ABI2: variants seen among roughly 807,000 people sequenced by gnomAD.
The protein encoded by ABI2 is abl interactor 2.
A neutral mutation model predicts 59.2 loss-of-function variants in ABI2; 25 were observed. That is an observed-to-expected ratio of 0.42 (90% CI 0.31 to 0.59). The LOEUF (loss-of-function observed/expected upper bound fraction) is 0.59, where lower values mean the gene tolerates loss of function less well. ABI2 is among the 20% of genes least tolerant of loss of function. The pLI, the probability that ABI2 is intolerant of heterozygous loss-of-function variation, is 0.14. For missense variants in ABI2, 545 were observed against 681.8 expected (o/e 0.80, Z 2.23); for synonymous variants, 213 against 235.5 (o/e 0.90, Z 0.87).
chr2:203,419,310 C>T lies in ABI2; in HGVS notation c.1453+2229C>T, dbSNP rs570053806. On this transcript the variant is annotated intron_variant, in intron 11 of 11. Transcript: ENST00000261018. ...TATTTTTAGTAGAGACGTGGTTTCACGGTGGTCTTGATCTCCTGACCTCAT... is the reference window on the plus strand; with the variant it reads ...TATTTTTAGTAGAGACGTGGTTTCATGGTGGTCTTGATCTCCTGACCTCAT... 2.6e-5 allele frequency among the ~76,000 whole-genome samples: 4 copies of T among 151,372 alleles called. No individual in the cohort carries two copies. In the East Asian group the frequency reaches 5.9e-4, roughly 22 times the overall value.
chr2:203,335,132 A>G (rs891354955), intron 1 of ABI2, among the ~76,000 whole-genome samples: 9 of 152,190 alleles, frequency 5.9e-5, no homozygotes, highest in Non-Finnish European at 1.2e-4. Flanking sequence ...AAAAATTTCT[A>G]TATTTTCCCA....
intron 11 of ABI2, among the ~76,000 whole-genome samples, chr2:203,418,383 G>T (rs978976451): frequency 6.6e-6 from 1 of 152,240 alleles, no homozygotes; most frequent in African/African-American, 2.4e-5. Flanking sequence ...CTGCAATCAA[G>T]GTATCAGCTG....
intron 11 of ABI2, among the ~76,000 whole-genome samples, chr2:203,425,429 C>T (rs2153605620): frequency 6.6e-6 from 1 of 152,164 alleles, no homozygotes. Context: ...TCTAGAACTT[C>T]TGATGTCAGC....
At chr2:203,344,336 AAATC>A (rs2081850474) in intron 1 of ABI2, among the ~76,000 whole-genome samples, 1 of 152,142 alleles carries the variant, frequency 6.6e-6, no homozygotes, top group African/African-American at 2.4e-5. Flanking sequence ...CCTGATGAAA[AAATC>A]AAGAACAATA....
chr2:203,426,417 A>G (rs1230829256), intron 11 of ABI2, among the ~76,000 whole-genome samples: 2 of 152,230 alleles, frequency 1.3e-5, no homozygotes, highest in East Asian at 1.9e-4. Context: ...TTGAAATAAG[A>G]TAACAGTTGA....
At chr2:203,412,634 T>C (rs1330384881) in intron 10 of ABI2, among the ~76,000 whole-genome samples, 1 of 152,194 alleles carries the variant, frequency 6.6e-6, no homozygotes, top group East Asian at 1.9e-4. Flanking sequence ...TCATATGTTT[T>C]AAATTATGCT....
intron 2 of ABI2, among the ~76,000 whole-genome samples, chr2:203,379,877 AT>A (rs2095996194): frequency 6.6e-6 from 1 of 152,200 alleles, no homozygotes; most frequent in Non-Finnish European, 1.5e-5. Flanking sequence ...AACTTTACTT[AT>A]GGAAAAGCAA....
chr2:203,340,497 G>T (rs545537595), intron 1 of ABI2, among the ~76,000 whole-genome samples: 1 of 151,990 alleles, frequency 6.6e-6, no homozygotes, highest in Admixed American at 6.6e-5. Context: ...CTTCCGAATA[G>T]CTGGGACTAC....
At chr2:203,382,088 G>T (rs1462740873) in intron 3 of ABI2, 101 bp from the exon 4 acceptor site, 1 of 1,015,330 alleles carries the variant, frequency 9.8e-7, no homozygotes. Context: ...TGCTTAACTT[G>T]TTTTTTCTTT....
intron 4 of ABI2, among the ~76,000 whole-genome samples, chr2:203,384,361 C>G (rs762536882): frequency 7.2e-6 from 1 of 139,452 alleles, no homozygotes; most frequent in Non-Finnish European, 1.5e-5. Flanking sequence ...GGCTGGAGTG[C>G]ACTGGTGTGA....
intron 1 of ABI2, among the ~76,000 whole-genome samples, chr2:203,343,401 T>C (rs2081244765): frequency 6.6e-6 from 1 of 152,230 alleles, no homozygotes; most frequent in East Asian, 1.9e-4. Context: ...GGTTAGTTTG[T>C]GGTACAAACA....
intron 9 of ABI2, among the ~76,000 whole-genome samples, chr2:203,404,829 G>C (rs557372635): frequency 2.0e-5 from 3 of 152,282 alleles, no homozygotes; most frequent in African/African-American, 7.2e-5. Context: ...AAAGTGCTCA[G>C]ATTACAGGTG....
chr2:203,346,120 G>C (rs1376782774), intron 1 of ABI2, among the ~76,000 whole-genome samples: 1 of 151,286 alleles, frequency 6.6e-6, no homozygotes, highest in Non-Finnish European at 1.5e-5. Context: ...ATTCACTCCA[G>C]TCTGGGTGAC....
chr2:203,365,982 A>T (rs1384207262), intron 1 of ABI2, among the ~76,000 whole-genome samples: 2 of 151,344 alleles, frequency 1.3e-5, no homozygotes, highest in Admixed American at 1.3e-4. Context: ...ATCTTTGTTT[A>T]TTTTTGTTTT....
intron 1 of ABI2, among the ~76,000 whole-genome samples, chr2:203,339,065 A>AAGT (rs1297979948): frequency 8.2e-4 from 119 of 144,962 alleles, no homozygotes; most frequent in African/African-American, 3.0e-3. Flanking sequence ...AAAAAGACCT[A>AAGT]AGTAGACATT....
At chr2:203,341,027 C>T (rs1395091564) in intron 1 of ABI2, among the ~76,000 whole-genome samples, 2 of 152,174 alleles carry the variant, frequency 1.3e-5, no homozygotes, top group Non-Finnish European at 2.9e-5. Context: ...TTGTTATGCC[C>T]TCTGCCAGGA....
At chr2:203,360,636 C>A (rs1027557037) in intron 1 of ABI2, among the ~76,000 whole-genome samples, 10 of 152,182 alleles carry the variant, frequency 6.6e-5, no homozygotes, top group Non-Finnish European at 1.3e-4. Context: ...CTGATTCAGG[C>A]TAGTAAGTGA....
At chr2:203,364,796 A>G (rs919386225) in intron 1 of ABI2, among the ~76,000 whole-genome samples, 2 of 150,058 alleles carry the variant, frequency 1.3e-5, no homozygotes, top group African/African-American at 4.9e-5. Flanking sequence ...GTGCAGTGAT[A>G]TGATCATGGC....
intron 10 of ABI2, among the ~76,000 whole-genome samples, chr2:203,412,617 GT>G (rs3835893): frequency 0.66 from 100,532 of 152,004 alleles, 36,195 homozygotes; most frequent in Middle Eastern, 0.84. Context: ...ATATAATTAG[GT>G]TGATTTCATA....
Sources: allele counts gnomAD v4.1 joint callset (sites outside exome capture counted in the v4.1 genomes callset), GRCh38; gene constraint gnomAD v4.1.1; transcripts MANE v1.5; gene names NCBI Gene and HGNC (gene_info 2026-07-23, HGNC 2026-07-21).